RABGAP1: variants seen among roughly 807,000 people sequenced by gnomAD.
The protein encoded by RABGAP1 is RAB GTPase activating protein 1.
A neutral mutation model predicts 137.6 loss-of-function variants in RABGAP1; 23 were observed. The ratio of observed to expected loss-of-function variants is 0.17; its 90% CI spans 0.12 to 0.24. The LOEUF (loss-of-function observed/expected upper bound fraction) is 0.24, where lower values mean the gene tolerates loss of function less well. Among genes scored for constraint, RABGAP1 ranks in the 10% least tolerant of loss-of-function variants. The pLI is 1.00. For synonymous variants in RABGAP1, 451 were observed against 450.7 expected (o/e 1.00, Z -0.01); for missense variants, 906 against 1,275.8 (o/e 0.71, Z 4.42).
At chr9:123,020,189 T>C (rs2031533535) in intron 12 of RABGAP1, 120 bp from the exon 13 acceptor site, 17 of 899,366 alleles carry the variant, frequency 1.9e-5, no homozygotes, top group Non-Finnish European at 2.3e-5. Context: ...TTTTTCCCTT[T>C]ATTACTTTGT....
At chr9:123,009,533 T>C (rs926899482) in intron 10 of RABGAP1, among the ~76,000 whole-genome samples, 4 of 152,350 alleles carry the variant, frequency 2.6e-5, no homozygotes, top group Admixed American at 1.3e-4. Context: ...CTCTCCCTTT[T>C]TATTCTTCCC....
chr9:123,011,326 TG>T (rs1315649790), intron 11 of RABGAP1, among the ~76,000 whole-genome samples: 3 of 152,204 alleles, frequency 2.0e-5, no homozygotes, highest in Non-Finnish European at 4.4e-5. Context: ...GACTTTTAAG[TG>T]CAAGGAGAAT....
At chr9:122,983,370 C>G (rs1836188220) in intron 2 of RABGAP1, among the ~76,000 whole-genome samples, 1 of 152,122 alleles carries the variant, frequency 6.6e-6, no homozygotes, top group South Asian at 2.1e-4. Flanking sequence ...GTCTTTATTT[C>G]TAAGGCAAAA....
intron 19 of RABGAP1, among the ~76,000 whole-genome samples, chr9:123,082,706 G>A (rs142210866): frequency 1.1e-5 from 1 of 94,936 alleles, no homozygotes; most frequent in Non-Finnish European, 2.1e-5. Flanking sequence ...TCATTAGAAC[G>A]TGTCATTTTA....
At chr9:123,091,084 G>A (rs1210878460) in intron 21 of RABGAP1, among the ~76,000 whole-genome samples, 3 of 152,234 alleles carry the variant, frequency 2.0e-5, no homozygotes, top group Non-Finnish European at 2.9e-5. Context: ...TAGATGATAT[G>A]CAAATGAATG....
At chr9:123,082,269 T>C (rs567113106) in intron 19 of RABGAP1, among the ~76,000 whole-genome samples, 41 of 152,304 alleles carry the variant, frequency 2.7e-4, no homozygotes, top group African/African-American at 7.2e-4. Flanking sequence ...CAGTGTACCT[T>C]AGAACTCATT....
intron 13 of RABGAP1, among the ~76,000 whole-genome samples, chr9:123,027,652 C>G (rs1375410531): frequency 6.6e-6 from 1 of 152,144 alleles, no homozygotes; most frequent in Non-Finnish European, 1.5e-5. Context: ...GAATGTTGGC[C>G]ATGGAGGAGG....
In RABGAP1 at chr9:122,986,817, C is replaced by T. The variant is rs116615836; in HGVS notation, c.590+398C>T. On this transcript the variant is annotated intron_variant, in intron 4 of 25. Coordinates refer to ENST00000373647, the MANE Select transcript of RABGAP1 (RefSeq NM_012197.4). Reference sequence around the variant, plus strand: ...TTATTAAATATTAACTATACCAGCACACCCCTTAATTTTTATGATGAGAAA... The same window carrying T: ...TTATTAAATATTAACTATACCAGCATACCCCTTAATTTTTATGATGAGAAA... Among the ~76,000 whole-genome samples, 380 of 152,188 alleles carry T rather than the reference C, an allele frequency of 2.5e-3. 2 individuals are homozygous for T. The highest frequency in any genetic ancestry group is 8.6e-3 in the African/African-American group (358 of 41,526).
chr9:123,079,221 GTTT>G (rs71388351), intron 19 of RABGAP1, among the ~76,000 whole-genome samples: 87,415 of 139,384 alleles, frequency 0.63, 33,750 homozygotes, highest in Non-Finnish European at 0.86. Context: ...TTGTTTTTTT[GTTT>G]TTTTGTTTTG....
chr9:123,056,451 C>T (rs954117866), intron 13 of RABGAP1, among the ~76,000 whole-genome samples: 4 of 150,778 alleles, frequency 2.7e-5, no homozygotes, highest in Non-Finnish European at 5.9e-5. Context: ...ACTCAAAATC[C>T]AAAAACAAGG....
At chr9:122,952,173 A>G (rs1330909180) in intron 1 of RABGAP1, among the ~76,000 whole-genome samples, 1 of 152,254 alleles carries the variant, frequency 6.6e-6, no homozygotes, top group Non-Finnish European at 1.5e-5. Flanking sequence ...ACTTTTTTAA[A>G]AGAGAGGTAA....
chr9:123,046,875 A>G (rs1354053795), intron 13 of RABGAP1, among the ~76,000 whole-genome samples: 1 of 152,204 alleles, frequency 6.6e-6, no homozygotes, highest in Non-Finnish European at 1.5e-5. Context: ...TCCTTAAGTG[A>G]CAGAGCTTAG....
chr9:122,950,438 G>A (rs1296217101), intron 1 of RABGAP1, among the ~76,000 whole-genome samples: 3 of 126,076 alleles, frequency 2.4e-5, no homozygotes, highest in South Asian at 2.5e-4. Context: ...CCAGGATAGA[G>A]AATCTAGAAA....
intron 13 of RABGAP1, among the ~76,000 whole-genome samples, chr9:123,054,397 T>C (rs1012534286): frequency 3.9e-5 from 6 of 152,232 alleles, no homozygotes; most frequent in African/African-American, 1.4e-4. Context: ...AATTTCCATA[T>C]TGTAGAATAA....
chr9:122,973,052 A>G (rs72616642), intron 2 of RABGAP1, among the ~76,000 whole-genome samples: 11,546 of 151,328 alleles, frequency 0.076, 1,610 homozygotes, highest in East Asian at 0.61. Context: ...ATTTTTCGTA[A>G]TAAAATGTTT....
intron 1 of RABGAP1, among the ~76,000 whole-genome samples, chr9:122,951,188 G>A (rs773819596): frequency 6.6e-6 from 1 of 152,112 alleles, no homozygotes; most frequent in Non-Finnish European, 1.5e-5. Context: ...AAGAAATAAA[G>A]GTTAACCAAG....
At chr9:122,951,623 C>T (rs189534481) in intron 1 of RABGAP1, among the ~76,000 whole-genome samples, 287 of 150,818 alleles carry the variant, frequency 1.9e-3, no homozygotes, top group African/African-American at 6.2e-3. Context: ...TAGGCTGGAG[C>T]GCAGTGTCTC....
In RABGAP1 at chr9:123,089,929, G is replaced by T. The variant is rs562307072; in HGVS notation, c.2517+79G>T. 465 of 1,257,752 alleles carry T rather than the reference G, an allele frequency of 3.7e-4. 2 individuals are homozygous for T. Among genetic ancestry groups the T allele is most frequent in the Non-Finnish European group, 5.0e-4 (446 of 888,280 alleles). 77.9% of individuals were successfully genotyped at this position (1,257,752 alleles called of 1,614,324 possible). A position where few individuals can be genotyped will look rare whatever the true frequency, so the allele number is the denominator to read the frequency against. ...GATTGCGCCTGTAACTAGCTTTATT[G>T]AGTCCTTTTTAAAATTCAATTCCTC... On this transcript the variant is annotated intron_variant, in intron 20 of 25. Coordinates refer to ENST00000373647, the MANE Select transcript of RABGAP1 (RefSeq NM_012197.4).
At chr9:123,090,973 G>T (rs1564189283) in intron 21 of RABGAP1, among the ~76,000 whole-genome samples, 1 of 152,190 alleles carries the variant, frequency 6.6e-6, no homozygotes, top group African/African-American at 2.4e-5. Flanking sequence ...TCATGGTTTA[G>T]GTCAGAAGTT....
Sources: gnomAD v4.1 joint callset for allele counts (sites outside exome capture counted in the v4.1 genomes callset) on GRCh38, gnomAD v4.1.1 for gene constraint, MANE v1.5 for transcripts, NCBI Gene and HGNC (gene_info 2026-07-23, HGNC 2026-07-21) for gene names.